The following SPAG17 variants were observed in gnomAD, a reference collection of about 807,000 sequenced individuals.
The protein encoded by SPAG17 is sperm-associated antigen 17.
A neutral mutation model predicts 273.6 loss-of-function variants in SPAG17; 169 were observed. The ratio of observed to expected loss-of-function variants is 0.62; its 90% CI spans 0.55 to 0.70. The LOEUF is 0.70. Among genes scored for constraint, SPAG17 ranks in the 30% least tolerant of loss-of-function variants. The pLI is 0.00. For missense variants in SPAG17, 2,557 were observed against 2,627.8 expected, an observed-to-expected ratio of 0.97 and a Z score of 0.59; for synonymous variants, 825 against 873.2, an observed-to-expected ratio of 0.94 and a Z score of 0.97.
At chr1:118,148,369 C>A (rs1305523038) in intron 3 of SPAG17, among the ~76,000 whole-genome samples, 1 of 152,124 alleles carries the variant, frequency 6.6e-6, no homozygotes, top group East Asian at 1.9e-4. Context: ...AAAAACAAAT[C>A]CTCCACACTC....
chr1:118,104,567 T>A (rs1469406927), intron 4 of SPAG17, among the ~76,000 whole-genome samples: 1 of 152,160 alleles, frequency 6.6e-6, no homozygotes. Context: ...TTGAGAAATA[T>A]GAGAATTGAG....
At chr1:118,005,702 G>T in intron 31 of SPAG17, 100 bp from the exon 32 acceptor site, 1 of 812,696 alleles carries the variant, frequency 1.2e-6, no homozygotes, top group Non-Finnish European at 1.7e-6. Context: ...ATAGATCCTA[G>T]TCACAAACTG....
At chr1:118,162,971 T>C (rs1406438328) in intron 1 of SPAG17, among the ~76,000 whole-genome samples, 1 of 152,172 alleles carries the variant, frequency 6.6e-6, no homozygotes. Flanking sequence ...TATAGATAAA[T>C]AGATACATAG....
intron 4 of SPAG17, among the ~76,000 whole-genome samples, chr1:118,110,245 A>G (rs1381304208): frequency 1.3e-5 from 2 of 152,214 alleles, no homozygotes; most frequent in African/African-American, 4.8e-5. Context: ...AACCAGTAAT[A>G]ATGATAGAGT....
intron 3 of SPAG17, among the ~76,000 whole-genome samples, chr1:118,149,919 T>C (rs1459793848): frequency 6.6e-6 from 1 of 152,202 alleles, no homozygotes; most frequent in Non-Finnish European, 1.5e-5. Flanking sequence ...GAAATCCCCT[T>C]ATACGGAGAA....
At chr1:118,079,424 T>A (rs186625971) in intron 15 of SPAG17, among the ~76,000 whole-genome samples, 1 of 152,168 alleles carries the variant, frequency 6.6e-6, no homozygotes, top group East Asian at 1.9e-4. Context: ...CCTTATATGA[T>A]TTTTATTCCT....
chr1:118,030,203 A>G (rs1477031212), intron 25 of SPAG17, among the ~76,000 whole-genome samples: 1 of 152,134 alleles, frequency 6.6e-6, no homozygotes, highest in African/African-American at 2.4e-5. Context: ...TAGTATAACT[A>G]TGTAAATGTG....
intron 40 of SPAG17, 143 bp downstream of exon 40, chr1:117,987,691 G>A: frequency 2.6e-6 from 2 of 767,204 alleles, no homozygotes; most frequent in South Asian, 3.6e-5. Flanking sequence ...ATCACACAGA[G>A]CTGAATGACC....
intron 1 of SPAG17, 62 bp downstream of exon 1, chr1:118,185,009 G>C (rs1252229202): frequency 7.1e-7 from 1 of 1,407,364 alleles, no homozygotes; most frequent in African/African-American, 1.4e-5. Flanking sequence ...TCGCCTAGGA[G>C]GGTCTGGCCG....
At chr1:118,067,139 G>C (rs184406917) in intron 17 of SPAG17, among the ~76,000 whole-genome samples, 16 of 152,260 alleles carry the variant, frequency 1.1e-4, no homozygotes, top group Admixed American at 2.6e-4. Context: ...CAGGCAGAGC[G>C]GCGCTTGCTA....
chr1:117,967,296 CAAAAAAA>C (rs5777330), intron 46 of SPAG17, among the ~76,000 whole-genome samples: 9 of 86,068 alleles, frequency 1.0e-4, no homozygotes, highest in Admixed American at 7.7e-4. Flanking sequence ...AACTCCATCT[CAAAAAAA>C]AAAAAAAAAA....
chr1:118,048,722 C>A (rs568044661), intron 20 of SPAG17, among the ~76,000 whole-genome samples: 1 of 151,850 alleles, frequency 6.6e-6, no homozygotes, highest in East Asian at 1.9e-4. Flanking sequence ...ATGGTGAAAC[C>A]CTCTCTCTAT....
chr1:118,156,477 A>G (rs898394894), intron 1 of SPAG17, among the ~76,000 whole-genome samples: 1 of 152,216 alleles, frequency 6.6e-6, no homozygotes, highest in Non-Finnish European at 1.5e-5. Context: ...GGAGGAGAAT[A>G]CACTATATCT....
chr1:118,135,777 C>T (rs947743544), intron 3 of SPAG17, among the ~76,000 whole-genome samples: 1 of 152,132 alleles, frequency 6.6e-6, no homozygotes, highest in Non-Finnish European at 1.5e-5. Flanking sequence ...AATTTTAAGA[C>T]AATGGGAAAC....
In SPAG17 at chr1:117,963,871, C is replaced by T. The variant is rs773221475; in HGVS notation, c.6600G>A (p.Met2200Ile). ...AATAAATTGTAGAAGTTCTCTGGAC[C>T]ATTGGATTTTCTTTTCCCTGGGGAA... ...KDFPQGKENP[M>I]VQRTSTIYSS... The change falls in exon 48 of 49, where the codon ATG becomes ATA. Residue 2200 changes from methionine (M) to isoleucine (I), a missense_variant. Physicochemically the swap from Met to Ile is conservative, Grantham distance 10. Transcript: ENST00000336338. 3.1e-6 allele frequency: 5 copies of T among 1,613,738 alleles called. No homozygotes were observed. The highest frequency in any genetic ancestry group is 1.3e-5 in the African/African-American group (1 of 74,912).
chr1:118,055,164 A>G (rs1651518397), intron 19 of SPAG17, among the ~76,000 whole-genome samples: 1 of 151,880 alleles, frequency 6.6e-6, no homozygotes, highest in Admixed American at 6.6e-5. Flanking sequence ...ACACAACATC[A>G]CCACCACCAC....
At chr1:118,064,895 A>G (rs1652797218) in intron 18 of SPAG17, among the ~76,000 whole-genome samples, 1 of 152,036 alleles carries the variant, frequency 6.6e-6, no homozygotes, top group Non-Finnish European at 1.5e-5. Flanking sequence ...AACAAAAAAC[A>G]ACTCAAAATC....
chr1:118,165,645 C>CTTTTTTTTTT (rs5777341), intron 1 of SPAG17, among the ~76,000 whole-genome samples: 2 of 108,352 alleles, frequency 1.8e-5, no homozygotes, highest in African/African-American at 7.3e-5. Flanking sequence ...AAAAAACTTT[C>CTTTTTTTTTT]TTTTTTTTTT....
intron 30 of SPAG17, among the ~76,000 whole-genome samples, chr1:118,011,978 C>T (rs1416921242): frequency 6.6e-6 from 1 of 151,460 alleles, no homozygotes. Context: ...TATATATATA[C>T]ACAATATCTG....
Sources: gnomAD v4.1 joint callset for allele counts (sites outside exome capture counted in the v4.1 genomes callset) on GRCh38, gnomAD v4.1.1 for gene constraint, MANE v1.5 for transcripts, NCBI Gene and HGNC (gene_info 2026-07-23, HGNC 2026-07-21) for gene names.